The following DEAF1 variants were observed in gnomAD, a reference collection of about 807,000 sequenced individuals.
The protein encoded by DEAF1 is DEAF1 transcription factor, also known as deformed epidermal autoregulatory factor 1 homolog.
In DEAF1, 53 loss-of-function variants were observed where a neutral mutation model predicts 58.9. The ratio of observed to expected loss-of-function variants is 0.90; its 90% confidence interval spans 0.72 to 1.13. The LOEUF is 1.13. Among genes scored for constraint, DEAF1 ranks in the 50% most tolerant of loss-of-function variants. DEAF1 has a pLI of 0.00. For synonymous variants in DEAF1, 385 were observed against 340.4 expected (o/e 1.13, Z -1.44); for missense variants, 685 against 791.4 (o/e 0.87, Z 1.61).
intron 10 of DEAF1, among the ~76,000 whole-genome samples, chr11:668,022 G>A (rs1859634996): frequency 6.6e-6 from 1 of 152,282 alleles, no homozygotes; most frequent in South Asian, 2.1e-4. Context: ...TGAGGCAGGA[G>A]AATTGCTTAA....
intron 10 of DEAF1, among the ~76,000 whole-genome samples, chr11:663,422 T>G (rs912761959): frequency 6.6e-6 from 1 of 152,258 alleles, no homozygotes; most frequent in Non-Finnish European, 1.5e-5. Flanking sequence ...CACTCCAGCC[T>G]GGGTGACAGA....
Position 691,565 on chromosome 11 carries a change from G to A in DEAF1, c.323C>T (p.Ala108Val). 6.2e-7 allele frequency: 1 copy of A among 1,613,744 alleles called. No individual in the cohort carries two copies. Among genetic ancestry groups the A allele is most frequent in the Non-Finnish European group, 8.5e-7 (1 of 1,180,006 alleles). The change falls in exon 2 of 12, where the codon GCT (alanine) becomes GTT (valine). Residue 108 changes from alanine (A) to valine (V), a missense_variant. Physicochemically the swap from Ala to Val is moderately conservative, Grantham distance 64. Coordinates refer to ENST00000382409, the MANE Select transcript of DEAF1 (RefSeq NM_021008.4). ...VTTVTVANVG[A>V]AADNVFTTSV... is the part of the protein sequence containing the mutation. ...CGTGGTGAAGACATTGTCTGCAGCA[G>A]CCCCCACGTTGGCCACTGTCACTGT...
intron 1 of DEAF1, among the ~76,000 whole-genome samples, chr11:702,428 T>C: frequency 6.6e-6 from 1 of 152,272 alleles, no homozygotes; most frequent in East Asian, 1.9e-4. Context: ...AACGGGACCC[T>C]CCCCAAGCGC....
intron 11 of DEAF1, among the ~76,000 whole-genome samples, chr11:651,803 G>A (rs1465361752): frequency 5.3e-5 from 8 of 152,142 alleles, no homozygotes; most frequent in East Asian, 1.9e-4. Flanking sequence ...GGAGAATGGC[G>A]TGAACCTGGG....
At chr11:654,084 C>T (rs371408910) in intron 10 of DEAF1, 33 bp from the exon 11 acceptor site, 9 of 1,597,514 alleles carry the variant, frequency 5.6e-6, no homozygotes, top group South Asian at 2.2e-5. Context: ...CAGTCAGTGA[C>T]GTGGCCGTGG....
At chr11:653,484 G>C (rs1451396463) in intron 11 of DEAF1, among the ~76,000 whole-genome samples, 2 of 134,848 alleles carry the variant, frequency 1.5e-5, no homozygotes, top group African/African-American at 2.9e-5. Context: ...AAGAACTGTG[G>C]ACAGTCTCTC....
chr11:690,637 T>G (rs2133418602), intron 2 of DEAF1, among the ~76,000 whole-genome samples: 1 of 152,004 alleles, frequency 6.6e-6, no homozygotes, highest in East Asian at 1.9e-4. Flanking sequence ...TCCCAGCTAC[T>G]CAGGAGGCTG....
At chr11:672,571 G>A (rs1257305826) in intron 10 of DEAF1, among the ~76,000 whole-genome samples, 3 of 152,212 alleles carry the variant, frequency 2.0e-5, no homozygotes, top group Non-Finnish European at 4.4e-5. Flanking sequence ...AATAGGCCGG[G>A]CAAGGTGGCT....
chr11:653,935 A>G, intron 11 of DEAF1, 27 bp downstream of exon 11: 3 of 1,608,870 alleles, frequency 1.9e-6, no homozygotes, highest in Middle Eastern at 1.7e-4. Flanking sequence ...AGGCGGGGGC[A>G]CTGAGCCTGG....
Position 684,958 on chromosome 11 carries a change from C to G in DEAF1, c.810G>C (p.Gly270=), listed in dbSNP as rs1297105655. The G allele has an allele frequency of 2.6e-6, 4 of 1,551,600 alleles. No individual in the cohort carries two copies. Among genetic ancestry groups the G allele is most frequent in the Non-Finnish European group, 1.7e-6 (2 of 1,146,968 alleles). ...GRPLQCLIQD[G]ILNPHAASCT... ...AAGAGGCAGCGTGAGGGTTTAAGATCCCATCCTGAGATGTGAAAAGAACCA... is the reference window on the plus strand; with the variant it reads ...AAGAGGCAGCGTGAGGGTTTAAGATGCCATCCTGAGATGTGAAAAGAACCA... Residue 270 remains glycine, a synonymous_variant, in exon 6 of 12, where the codon GGG becomes GGC. Transcript: ENST00000382409.
Position 656,255 on chromosome 11 carries a change from G to A in DEAF1, c.1504-2204C>T, listed in dbSNP as rs751378673. On this transcript the variant is annotated intron_variant, in intron 10 of 11. Transcript: ENST00000382409. ...ATTGCAACCACCACCTTCCAGATTCGAGCAATGCTTCCACCTTAGCCTCTC... is the reference window on the plus strand; with the variant it reads ...ATTGCAACCACCACCTTCCAGATTCAAGCAATGCTTCCACCTTAGCCTCTC... Among the ~76,000 whole-genome samples the A allele has an allele frequency of 8.6e-5, 13 of 151,166 alleles. No homozygotes were observed. In the South Asian group the frequency reaches 1.9e-3, roughly 22 times the overall value.
rs141021892 is a variant in DEAF1, at chr11:682,245, T to G, written c.871-1156A>C. 7.2e-5 allele frequency among the ~76,000 whole-genome samples: 11 copies of G among 152,350 alleles called. No individual in the cohort carries two copies. The East Asian group carries it at 1.9e-3, about 27-fold the overall frequency. The stretch of plus-strand genomic sequence containing the variant: ...AACTAACTGCCAGCTGCCTGCTCCA[T>G]TACTTTCAACAATGCCCTGGGGCAC... On this transcript the variant is annotated intron_variant, in intron 6 of 11. Transcript: ENST00000382409.
intron 9 of DEAF1, among the ~76,000 whole-genome samples, chr11:676,724 G>A (rs941969677): frequency 3.9e-5 from 6 of 152,066 alleles, no homozygotes; most frequent in Admixed American, 2.6e-4. Flanking sequence ...GGCTGGTCTC[G>A]GACTCCTGAC....
In DEAF1 at chr11:687,017, T is replaced by G; in HGVS notation, c.665-20A>C. On this transcript the variant is annotated intron_variant, in intron 4 of 11. Coordinates refer to ENST00000382409, the MANE Select transcript of DEAF1 (RefSeq NM_021008.4). ...GGCCGCCTGCAAGGAAGGGCAGCAG[T>G]CATGATGATGGCAGGTGGGAACGTC... 6.2e-7 allele frequency: 1 copy of G among 1,613,658 alleles called. No individual in the cohort carries two copies. The highest frequency in any genetic ancestry group is 1.1e-5 in the South Asian group (1 of 91,060).
intron 1 of DEAF1, chr11:704,657 T>C: frequency 7.8e-7 from 1 of 1,287,636 alleles, no homozygotes; most frequent in Non-Finnish European, 1.0e-6. Flanking sequence ...TGGATCCTGA[T>C]ACCTCCAGTC....
chr11:691,868 ACCCCAGCCAG>A (rs1860849666), intron 1 of DEAF1, among the ~76,000 whole-genome samples: 1 of 151,852 alleles, frequency 6.6e-6, no homozygotes, highest in Non-Finnish European at 1.5e-5. Flanking sequence ...CAAACCCGCC[ACCCCAGCCAG>A]CCCCAGCTCT....
intron 1 of DEAF1, among the ~76,000 whole-genome samples, chr11:701,738 T>C (rs888045108): frequency 2.0e-5 from 3 of 152,146 alleles, no homozygotes; most frequent in Admixed American, 2.0e-4. Flanking sequence ...GTTACCCTGG[T>C]TGGTCTTGAA....
intron 5 of DEAF1, 107 bp downstream of exon 5, chr11:686,751 C>A: frequency 6.7e-7 from 1 of 1,488,544 alleles, no homozygotes; most frequent in Non-Finnish European, 9.2e-7. Flanking sequence ...AGGCTGCAAA[C>A]CCCATTTGTC....
chr11:674,800 G>A lies in DEAF1; in HGVS notation c.1256-17C>T, dbSNP rs139679730. On this transcript the variant is annotated splice_polypyrimidine_tract_variant and intron_variant, in intron 9 of 11. Transcript: ENST00000382409. ...ATGTCAACACTAGAGCATTTGGAAA[G>A]CAAAACAAACCAAGAAATTAATACA... 29,678 of 1,608,400 alleles carry A rather than the reference G, an allele frequency of 0.018. 515 individuals are homozygous for A. The highest frequency in any genetic ancestry group is 0.065 in the South Asian group (5,907 of 91,068).
Sources: gnomAD v4.1 joint callset for allele counts (sites outside exome capture counted in the v4.1 genomes callset) on GRCh38, gnomAD v4.1.1 for gene constraint, MANE v1.5 for transcripts, NCBI Gene and HGNC (gene_info 2026-07-23, HGNC 2026-07-21) for gene names.